IRAG2: variants seen among roughly 807,000 people sequenced by gnomAD.
The protein encoded by IRAG2 is lymphoid restricted membrane protein.
IRAG2 carries 45 observed loss-of-function variants against 69.9 expected under a neutral mutation model. The ratio of observed to expected loss-of-function variants is 0.64; its 90% CI spans 0.51 to 0.83. The LOEUF (loss-of-function observed/expected upper bound fraction) is 0.83, where lower values mean the gene tolerates loss of function less well. Among genes scored for constraint, IRAG2 ranks in the 40% least tolerant of loss-of-function variants. The pLI, the probability that IRAG2 is intolerant of heterozygous loss-of-function variation, is 0.00. For synonymous variants in IRAG2, 193 were observed against 202.4 expected, an observed-to-expected ratio of 0.95 and a Z score of 0.40; for missense variants, 520 against 587.0, an observed-to-expected ratio of 0.89 and a Z score of 1.18.
At chr12:25,023,641 A>G (rs963166203) in intron 7 of IRAG2, among the ~76,000 whole-genome samples, 2 of 152,186 alleles carry the variant, frequency 1.3e-5, no homozygotes, top group Non-Finnish European at 1.5e-5. Context: ...TTTCCTCCCT[A>G]ACAACCATAG....
chr12:25,053,228 T>C (rs571381395), intron 1 of IRAG2, among the ~76,000 whole-genome samples: 1 of 151,700 alleles, frequency 6.6e-6, no homozygotes, highest in Admixed American at 6.6e-5. Context: ...TAATTAAAAC[T>C]TCTCAAAATT....
rs113101467 is a variant in IRAG2, at chr12:25,077,383, G to C, written c.25-1861G>C. On this transcript the variant is annotated intron_variant, in intron 6 of 21. Coordinates refer to ENST00000556887, the MANE Select transcript of IRAG2 (RefSeq NM_001366544.2). ...TATGATATATATGAAATATATATATGATATATATATGAAATATATATACAC... is the reference window on the plus strand; with the variant it reads ...TATGATATATATGAAATATATATATCATATATATATGAAATATATATACAC... Among the ~76,000 whole-genome samples, 6 of 115,084 alleles carry C rather than the reference G, an allele frequency of 5.2e-5. 2 individuals are homozygous for C. The highest frequency in any genetic ancestry group is 9.9e-5 in the African/African-American group (3 of 30,396). 75.5% of individuals were successfully genotyped at this position (115,084 alleles called of 152,430 possible). A position where few individuals can be genotyped will look rare whatever the true frequency, so the allele number is the denominator to read the frequency against.
chr12:25,063,826 C>A lies in IRAG2; in HGVS notation c.-207+10C>A. 5.0e-6 allele frequency: 2 copies of A among 398,962 alleles called. No homozygotes were observed. Among genetic ancestry groups the A allele is most frequent in the South Asian group, 1.3e-4 (1 of 7,856 alleles). The allele number at this position is 398,962 out of a possible 1,614,324, so 24.7% of individuals were successfully genotyped here. On this transcript the variant is annotated intron_variant, in intron 4 of 21. Transcript: ENST00000556887. Reference sequence around the variant, plus strand: ...TACACACCTCTGCTGGGTAAGCCCCCCTTCTATACCTGCTCAGACACAAGT... The same window carrying A: ...TACACACCTCTGCTGGGTAAGCCCCACTTCTATACCTGCTCAGACACAAGT...
chr12:25,023,954 A>C (rs1565528594), intron 8 of IRAG2: 1 of 1,121,946 alleles, frequency 8.9e-7, no homozygotes, highest in African/African-American at 1.6e-5. Context: ...TGGCATAGAC[A>C]AACATGCAAA....
chr12:25,030,229 T>A, intron 9 of IRAG2: 1 of 1,171,326 alleles, frequency 8.5e-7, no homozygotes, highest in South Asian at 4.3e-5. Flanking sequence ...CACTGTCCTT[T>A]TACCAAAGCA....
intron 1 of IRAG2, among the ~76,000 whole-genome samples, chr12:25,053,290 G>T (rs2139889976): frequency 6.6e-6 from 1 of 150,662 alleles, no homozygotes; most frequent in African/African-American, 2.4e-5. Context: ...ATTTGAACTT[G>T]CAAGTTGTTA....
chr12:25,037,875 C>G, intron 15 of IRAG2: 2 of 396,832 alleles, frequency 5.0e-6, no homozygotes, highest in Non-Finnish European at 8.9e-6. Flanking sequence ...ATCCAGTATG[C>G]CATTGAGATG....
At position 25,008,816 on chromosome 12, in the gene IRAG2, A is replaced by T. The variant is rs925884006; in HGVS notation, c.689-2528A>T. On this transcript the variant is annotated intron_variant, in intron 2 of 38. Transcript: ENST00000636465. ...TGTTTTCTTGGTCATCCTTTTTTTT[A>T]AAAAAGTGATATACTAATGTATTCT... Among the ~76,000 whole-genome samples the T allele has an allele frequency of 9.2e-5, 14 of 152,094 alleles. No homozygotes were observed. The Middle Eastern group carries it at 0.014, about 148-fold the overall frequency.
intron 13 of IRAG2, among the ~76,000 whole-genome samples, chr12:25,034,911 T>C (rs547170675): frequency 4.6e-5 from 7 of 152,346 alleles, no homozygotes; most frequent in African/African-American, 1.4e-4. Flanking sequence ...ACTCATCATT[T>C]CACTGTGTTT....
At chr12:25,096,801 C>T (rs954457855) in intron 14 of IRAG2, 109 bp from the exon 15 acceptor site, 15 of 779,086 alleles carry the variant, frequency 1.9e-5, no homozygotes, top group Admixed American at 1.3e-4. Flanking sequence ...CATCTTCCAC[C>T]GAAATAATTG....
At chr12:25,062,587 T>C (rs1185924950) in intron 2 of IRAG2, among the ~76,000 whole-genome samples, 1 of 152,244 alleles carries the variant, frequency 6.6e-6, no homozygotes, top group African/African-American at 2.4e-5. Context: ...GACAAAGCCA[T>C]TCAGTTTCTT....
intron 1 of IRAG2, among the ~76,000 whole-genome samples, chr12:25,053,462 A>C (rs1944993496): frequency 6.6e-6 from 1 of 152,246 alleles, no homozygotes; most frequent in Admixed American, 6.5e-5. Context: ...TTAAAGTTTT[A>C]ATGCATTCTC....
intron 16 of IRAG2, among the ~76,000 whole-genome samples, chr12:25,044,261 C>CA (rs1944773970): frequency 6.6e-6 from 1 of 151,606 alleles, no homozygotes; most frequent in African/African-American, 2.4e-5. Context: ...AAAGAACATA[C>CA]CTATAGAGCA....
At chr12:24,998,722 A>G in the IRAG2 span, among the ~76,000 whole-genome samples, 170 of 152,192 alleles carry the variant, frequency 1.1e-3, 2 homozygotes, top group African/African-American at 3.8e-3. Flanking sequence ...AGGATTTTGC[A>G]TTAATTACCA....
intron 1 of IRAG2, among the ~76,000 whole-genome samples, chr12:25,060,101 T>C (rs1272868240): frequency 6.6e-6 from 1 of 152,202 alleles, no homozygotes; most frequent in Admixed American, 6.5e-5. Flanking sequence ...TATATCCTTG[T>C]TTAAGTTTTG....
At chr12:25,047,657 T>C (rs1380798734), upstream of IRAG2, among the ~76,000 whole-genome samples, 3 of 152,082 alleles carry the variant, frequency 2.0e-5, no homozygotes, top group Non-Finnish European at 4.4e-5. Context: ...TTCCCCGCAA[T>C]GTGTCCATGT....
At chr12:25,069,194 CTCTT>C (rs1946171211) in intron 5 of IRAG2, among the ~76,000 whole-genome samples, 152 bp from the exon 6 acceptor site, 1 of 152,160 alleles carries the variant, frequency 6.6e-6, no homozygotes, top group Non-Finnish European at 1.5e-5. Flanking sequence ...GGTGGGAACT[CTCTT>C]TCATTATGTG....
chr12:25,106,220 TA>T (rs2140275277), intron 20 of IRAG2, among the ~76,000 whole-genome samples: 1 of 151,794 alleles, frequency 6.6e-6, no homozygotes, highest in South Asian at 2.1e-4. Flanking sequence ...AGATTTTTAC[TA>T]ATGTTAAATA....
At chr12:25,096,012 G>A (rs1001254288) in intron 14 of IRAG2, among the ~76,000 whole-genome samples, 8 of 152,232 alleles carry the variant, frequency 5.3e-5, no homozygotes, top group Admixed American at 2.0e-4. Context: ...ATATCTGTCT[G>A]TTTCAAAAGT....
Sources: gnomAD v4.1 joint callset for allele counts (sites outside exome capture counted in the v4.1 genomes callset) on GRCh38, gnomAD v4.1.1 for gene constraint, MANE v1.5 for transcripts, NCBI Gene and HGNC (gene_info 2026-07-23, HGNC 2026-07-21) for gene names.